Variants in CHAD observed in about 807,000 individuals in gnomAD.
The protein encoded by CHAD is cartilage leucine-rich protein.
A neutral mutation model predicts 24.0 loss-of-function variants in CHAD; 18 were observed. The observed-to-expected ratio is 0.75, with a 90% CI of 0.52 to 1.11. The LOEUF is 1.11. Among genes scored for constraint, CHAD ranks in the 50% most tolerant of loss-of-function variants. The pLI is 0.00. For synonymous variants in CHAD, 195 were observed against 211.6 expected (o/e 0.92, Z 0.68); for missense variants, 440 against 467.2 (o/e 0.94, Z 0.54).
Position 50,465,286 on chromosome 17 carries a change from G to C in CHAD, c.*4+8C>G, listed in dbSNP as rs766953753. The C allele has an allele frequency of 6.8e-6, 11 of 1,613,826 alleles. No homozygotes were observed. The African/African-American group carries it at 1.5e-4, about 22-fold the overall frequency. ...GGGACATAGGGGACCTGTTTACCTG[G>C]CCCCCACCTGTTTAATGGCGGCCAG... On this transcript the variant is annotated splice_region_variant and intron_variant, in intron 3 of 3. Transcript: ENST00000508540.
Position 50,465,794 on chromosome 17 carries a change from G to A in CHAD, c.851C>T (p.Pro284Leu), listed in dbSNP as rs1474212560. 6.2e-7 allele frequency: 1 copy of A among 1,613,870 alleles called. No homozygotes were observed. Among genetic ancestry groups the A allele is most frequent in the African/African-American group, 1.3e-5 (1 of 74,902 alleles). Reference protein sequence around the residue: ...HLENNRLNQLPSNFPFDSLET... With the variant: ...HLENNRLNQLLSNFPFDSLET... The stretch of plus-strand genomic sequence containing the variant: ...CAGGCTGTCGAAGGGGAAGTTGGAG[G>A]GTAGCTGGTTCAAGCGGTTGTTCTC... The change falls in exon 2 of 4, where the codon CCC (proline) becomes CTC (leucine). Residue 284 changes from proline (P) to leucine (L), a missense_variant. Pro to Leu is a moderately conservative substitution (Grantham distance 98). Transcript: ENST00000508540.
chr17:50,466,325 G>A (rs892125673), intron 1 of CHAD, among the ~76,000 whole-genome samples: 6 of 152,156 alleles, frequency 3.9e-5, no homozygotes, highest in Admixed American at 6.5e-5. Context: ...TCCTGACCTC[G>A]TGATCTACCC....
chr17:50,464,754 T>C lies in CHAD; in HGVS notation c.*300A>G, dbSNP rs2032570112. On this transcript the variant is annotated 3_prime_UTR_variant, in exon 4 of 4. Transcript: ENST00000508540. ...GGCCATCCTGATGACCAACCTGTTG[T>C]GGTTCTGATTGACTTGGGGGGGGGG... 7.0e-6 allele frequency: 2 copies of C among 284,418 alleles called. No individual in the cohort carries two copies. The highest frequency in any genetic ancestry group is 4.4e-5 in the Admixed American group (1 of 22,762). 17.6% of individuals were successfully genotyped at this position (284,418 alleles called of 1,614,324 possible). A position where few individuals can be genotyped will look rare whatever the true frequency, so the allele number is the denominator to read the frequency against.
In CHAD at chr17:50,465,888, A is replaced by T; in HGVS notation, c.775-18T>A. The T allele has an allele frequency of 2.5e-6, 4 of 1,613,614 alleles. No individual in the cohort carries two copies. The highest frequency in any genetic ancestry group is 3.4e-6 in the Non-Finnish European group (4 of 1,179,890). On this transcript the variant is annotated intron_variant, in intron 1 of 3. Coordinates refer to ENST00000508540, the MANE Select transcript of CHAD (RefSeq NM_001267.3). Reference sequence around the variant, plus strand: ...TCTGAGAACTGGGGAGCAAGGTGGGAGCAAGGTGGGAGCAAGGTGGTCATG... The same window carrying T: ...TCTGAGAACTGGGGAGCAAGGTGGGTGCAAGGTGGGAGCAAGGTGGTCATG...
Position 50,466,073 on chromosome 17 carries a change from CTTT to C in CHAD, c.775-206_775-204del, listed in dbSNP as rs10707664. 7.5e-5 allele frequency among the ~76,000 whole-genome samples: 9 copies of C among 120,028 alleles called. No individual in the cohort carries two copies. In the South Asian group the frequency reaches 7.9e-4, roughly 10 times the overall value. The allele number at this position is 120,028 out of a possible 152,430, so 78.7% of individuals were successfully genotyped here. A position where few individuals can be genotyped will look rare whatever the true frequency, so the allele number is the denominator to read the frequency against. On this transcript the variant is annotated intron_variant, in intron 1 of 3. Transcript: ENST00000508540. ...CCTTTGAGACAGATGGTGTTATTTT[CTTT>C]TTTTTTTTTTTTTCCTTTTTTTTTT...
Position 50,468,407 on chromosome 17 carries a change from G to A in CHAD, c.407C>T (p.Thr136Ile). The change falls in exon 1 of 4, where the codon ACT becomes ATT. Residue 136 changes from threonine to isoleucine, a missense_variant. Physicochemically the swap from Thr to Ile is moderately conservative, Grantham distance 89. Coordinates refer to ENST00000508540, the MANE Select transcript of CHAD (RefSeq NM_001267.3). The part of the protein sequence containing the change: ...TYLYLDHNKV[T>I]ELPRGLLSPL... ...GGAGAGCAACCCCCGGGGCAGCTCAGTGACCTTGTTGTGGTCCAGGTAGAG... is the reference window on the plus strand; with the variant it reads ...GGAGAGCAACCCCCGGGGCAGCTCAATGACCTTGTTGTGGTCCAGGTAGAG... 6.2e-7 allele frequency: 1 copy of A among 1,614,152 alleles called. No individual in the cohort carries two copies. Among genetic ancestry groups the A allele is most frequent in the Non-Finnish European group, 8.5e-7 (1 of 1,180,022 alleles).
chr17:50,467,343 G>T (rs964179016), intron 1 of CHAD, among the ~76,000 whole-genome samples: 2 of 152,198 alleles, frequency 1.3e-5, no homozygotes, highest in African/African-American at 4.8e-5. Flanking sequence ...GACAATAGTG[G>T]TCTTGCCTTT....
At position 50,464,767 on chromosome 17, in the gene CHAD, CT is replaced by C; in HGVS notation, c.*286del. On this transcript the variant is annotated 3_prime_UTR_variant, in exon 4 of 4. Transcript: ENST00000508540. ...ACCAACCTGTTGTGGTTCTGATTGACTTGGGGGGGGGGTCTCAGCAACAGCT... is the reference window on the plus strand; with the variant it reads ...ACCAACCTGTTGTGGTTCTGATTGACTGGGGGGGGGGTCTCAGCAACAGCT... The C allele has an allele frequency of 1.5e-4, 21 of 135,980 alleles. No homozygotes were observed. The highest frequency in any genetic ancestry group is 1.5e-4 in the South Asian group (3 of 19,392). 8.4% of individuals were successfully genotyped at this position (135,980 alleles called of 1,614,324 possible).
rs1409109262 is a variant in CHAD, at chr17:50,468,744, G to A, written c.70C>T (p.Pro24Ser). Residue 24 changes from proline to serine, a missense_variant, in exon 1 of 4, where the codon CCC becomes TCC. Coordinates refer to ENST00000508540, the MANE Select transcript of CHAD (RefSeq NM_001267.3). ...AGLLPALAAC[P>S]QNCHCHSDLQ... ...TCGCTGTGGCAGTGGCAGTTCTGGG[G>A]GCAGGCGGCCAGCGCCGGCAGCAGA... is the stretch of plus-strand genomic sequence containing the variant. The A allele has an allele frequency of 1.2e-6, 2 of 1,605,642 alleles. No homozygotes were observed. Among genetic ancestry groups the A allele is most frequent in the Non-Finnish European group, 1.7e-6 (2 of 1,178,208 alleles).
Position 50,468,397 on chromosome 17 carries a change from G to C in CHAD, c.417C>G (p.Pro139=), listed in dbSNP as rs760988528. The C allele has an allele frequency of 5.0e-6, 8 of 1,614,104 alleles. No individual in the cohort carries two copies. The South Asian group carries it at 7.7e-5, about 16-fold the overall frequency. Residue 139 remains proline, a synonymous_variant, in exon 1 of 4, where the codon CCC becomes CCG. Coordinates refer to ENST00000508540, the MANE Select transcript of CHAD (RefSeq NM_001267.3). ...TGACCAGCGGGGAGAGCAACCCCCGGGGCAGCTCAGTGACCTTGTTGTGGT... is the reference window on the plus strand; with the variant it reads ...TGACCAGCGGGGAGAGCAACCCCCGCGGCAGCTCAGTGACCTTGTTGTGGT... ...YLDHNKVTEL[P]RGLLSPLVNL...
In CHAD at chr17:50,468,669, C is replaced by T. The variant is rs1224946946; in HGVS notation, c.145G>A (p.Val49Met). 11 of 1,614,012 alleles carry T rather than the reference C, an allele frequency of 6.8e-6. No homozygotes were observed. The Admixed American group carries it at 1.3e-4, about 20-fold the overall frequency. The change falls in exon 1 of 4, where the codon GTG becomes ATG. Residue 49 changes from valine (V) to methionine (M), a missense_variant. Physicochemically the swap from Val to Met is conservative, Grantham distance 21. Coordinates refer to ENST00000508540, the MANE Select transcript of CHAD (RefSeq NM_001267.3). ...DKVGLQKIPK[V>M]SEKTKLLNLQ... ...TTGAGCAGCTTGGTCTTCTCTGACA[C>T]CTTGGGGATCTTCTGCAGCCCCACC...
intron 1 of CHAD, 74 bp downstream of exon 1, chr17:50,467,966 G>C (rs1178408350): frequency 6.8e-7 from 1 of 1,463,670 alleles, no homozygotes; most frequent in Non-Finnish European, 9.2e-7. Context: ...GATGGTGCCA[G>C]CTGTGGCCCT....
At position 50,468,778 on chromosome 17, in the gene CHAD, G is replaced by A. The variant is rs369046930; in HGVS notation, c.36C>T (p.Leu12=). The A allele has an allele frequency of 5.4e-5, 85 of 1,573,614 alleles. No individual in the cohort carries two copies. The highest frequency in any genetic ancestry group is 6.7e-5 in the Non-Finnish European group (78 of 1,165,000). The change falls in exon 1 of 4, where the codon CTC becomes CTT. Residue 12 remains leucine, a synonymous_variant. Transcript: ENST00000508540. ...CCAGCGCCGGCAGCAGACCAGCCAG[G>A]AGGCCGAGGCTGAGCAAGAGCATTG... ...VRPMLLLSLG[L]LAGLLPALAA...
At chr17:50,467,069 T>G (rs1033122770) in intron 1 of CHAD, among the ~76,000 whole-genome samples, 1 of 152,126 alleles carries the variant, frequency 6.6e-6, no homozygotes, top group Non-Finnish European at 1.5e-5. Flanking sequence ...TCCTCTACCT[T>G]GTTGGTTCCC....
In CHAD at chr17:50,468,597, C is replaced by T; in HGVS notation, c.217G>A (p.Ala73Thr). 6.2e-7 allele frequency: 1 copy of T among 1,614,192 alleles called. No homozygotes were observed. The highest frequency in any genetic ancestry group is 8.5e-7 in the Non-Finnish European group (1 of 1,180,006). ...FPVLAANSFR[A>T]MPNLVSLHLQ... ...TGCAATGACACGAGGTTCGGCATGG[C>T]CCGGAACGAATTGGCAGCCAGCACC... Residue 73 changes from alanine to threonine, a missense_variant, in exon 1 of 4, where the codon GCC (alanine) becomes ACC (threonine). Physicochemically the swap from Ala to Thr is moderately conservative, Grantham distance 58. Coordinates refer to ENST00000508540, the MANE Select transcript of CHAD (RefSeq NM_001267.3).
chr17:50,467,652 T>G (rs1229822756), intron 1 of CHAD, among the ~76,000 whole-genome samples: 1 of 152,096 alleles, frequency 6.6e-6, no homozygotes, highest in African/African-American at 2.4e-5. Flanking sequence ...AAACAAACCT[T>G]CCTTTATGGG....
intron 1 of CHAD, among the ~76,000 whole-genome samples, chr17:50,466,446 C>T (rs1232645846): frequency 6.6e-6 from 1 of 152,206 alleles, no homozygotes; most frequent in Non-Finnish European, 1.5e-5. Context: ...GTCCTTTGCC[C>T]TGGGTCACAG....
In CHAD at chr17:50,468,250, G is replaced by A. The variant is rs1234333381; in HGVS notation, c.564C>T (p.Pro188=). 3.7e-6 allele frequency: 6 copies of A among 1,611,642 alleles called. No homozygotes were observed. The highest frequency in any genetic ancestry group is 3.3e-5 in the South Asian group (3 of 90,966). ...LSENALSSLQ[P]GALDDVENLA... is the part of the protein sequence containing the mutation. ...GGTTCTCCACGTCGTCCAGGGCCCCGGGCTGCAGGGAGCTCAACGCGTTTT... is the reference window on the plus strand; with the variant it reads ...GGTTCTCCACGTCGTCCAGGGCCCCAGGCTGCAGGGAGCTCAACGCGTTTT... Residue 188 remains proline (P), a synonymous_variant, in exon 1 of 4, where the codon CCC becomes CCT. Transcript: ENST00000508540.
At position 50,467,508 on chromosome 17, in the gene CHAD, T is replaced by G. The variant is rs1171101215; in HGVS notation, c.774+532A>C. On this transcript the variant is annotated intron_variant, in intron 1 of 3. Transcript: ENST00000508540. ...CAGGGCCTCTATGGGGCATGGAGAA[T>G]GTCTTCCTCAGGCATTTGCTTCCCC... Among the ~76,000 whole-genome samples, 7 of 152,274 alleles carry G rather than the reference T, an allele frequency of 4.6e-5. No homozygotes were observed. In the East Asian group the frequency reaches 1.4e-3, roughly 29 times the overall value.
Sources: gnomAD v4.1 joint callset for allele counts (sites outside exome capture counted in the v4.1 genomes callset) on GRCh38, gnomAD v4.1.1 for gene constraint, MANE v1.5 for transcripts, NCBI Gene and HGNC (gene_info 2026-07-23, HGNC 2026-07-21) for gene names.